Variants in ELAC2 observed in about 807,000 individuals in gnomAD.
The protein encoded by ELAC2 is elaC ribonuclease Z 2, also known as zinc phosphodiesterase ELAC protein 2.
ELAC2 carries 92 observed loss-of-function variants against 105.2 expected under a neutral mutation model. That is an observed-to-expected ratio of 0.87 (90% CI 0.74 to 1.04). The LOEUF is 1.04. ELAC2 is among the 50% of genes least tolerant of loss of function. The pLI is 0.00. For missense variants in ELAC2, 1,099 were observed against 1,071.7 expected (o/e 1.03, Z -0.36); for synonymous variants, 468 against 409.1 (o/e 1.14, Z -1.74).
chr17:13,004,659 GTTCAAAATAATCCAAATGATAA>G (rs1167072076), intron 11 of ELAC2, among the ~76,000 whole-genome samples: 6 of 152,298 alleles, frequency 3.9e-5, no homozygotes, highest in African/African-American at 1.4e-4. Flanking sequence ...AATTAATTCA[GTTCAAAATAATCCAAATGATAA>G]TCTGGGGCAT....
intron 14 of ELAC2, chr17:13,000,481 C>G (rs960150742): frequency 3.3e-6 from 2 of 613,032 alleles, no homozygotes; most frequent in Non-Finnish European, 5.9e-6. Flanking sequence ...GGCCAGTCAA[C>G]GGGGAACTAC....
At position 12,992,973 on chromosome 17, in the gene ELAC2, C is replaced by T. The variant is rs759606875; in HGVS notation, c.2326G>A (p.Glu776Lys). 14 of 1,603,890 alleles carry T rather than the reference C, an allele frequency of 8.7e-6. No homozygotes were observed. The highest frequency in any genetic ancestry group is 2.2e-5 in the South Asian group (2 of 91,080). The change falls in exon 24 of 24, where the codon GAG becomes AAG. Residue 776 changes from glutamate to lysine, a missense_variant. Glu to Lys is a moderately conservative substitution (Grantham distance 56). Coordinates refer to ENST00000338034, the MANE Select transcript of ELAC2 (RefSeq NM_018127.7). Reference sequence around the variant, plus strand: ...TTCTCCCTGCGCTCCTCCATCTCCTCGATGTCGCCAGCAAACAGGGCTTTC... The same window carrying T: ...TTCTCCCTGCGCTCCTCCATCTCCTTGATGTCGCCAGCAAACAGGGCTTTC... Reference protein sequence around the residue: ...PLKALFAGDIEEMEERREKRE... With the variant: ...PLKALFAGDIKEMEERREKRE...
In ELAC2 at chr17:13,016,893, T is replaced by C. The variant is rs755455350; in HGVS notation, c.336A>G (p.Arg112=). 4 of 1,614,100 alleles carry C rather than the reference T, an allele frequency of 2.5e-6. No homozygotes were observed. Among genetic ancestry groups the C allele is most frequent in the Non-Finnish European group, 3.4e-6 (4 of 1,180,030 alleles). Reference sequence around the variant, plus strand: ...AGCCCCCAACATTAGACCAGTGCATTCGTGTCAGGAATATGTTGTCCAGGC... The same window carrying C: ...AGCCCCCAACATTAGACCAGTGCATCCGTGTCAGGAATATGTTGTCCAGGC... ...VARLDNIFLT[R]MHWSNVGGLS... Residue 112 remains arginine, a synonymous_variant, in exon 3 of 24, where the codon CGA becomes CGG. Coordinates refer to ENST00000338034, the MANE Select transcript of ELAC2 (RefSeq NM_018127.7).
At position 13,000,143 on chromosome 17, in the gene ELAC2, G is replaced by A. The variant is rs552514338; in HGVS notation, c.1423+13C>T. On this transcript the variant is annotated intron_variant, in intron 15 of 23. Transcript: ENST00000338034. ...CCCAGGAAAGAAAGGCTGCTCTGTGGGCTCCCACTCACCTGCTGGGGCTGG... is the reference window on the plus strand; with the variant it reads ...CCCAGGAAAGAAAGGCTGCTCTGTGAGCTCCCACTCACCTGCTGGGGCTGG... 23 of 1,610,346 alleles carry A rather than the reference G, an allele frequency of 1.4e-5. No individual in the cohort carries two copies. In the African/African-American group the frequency reaches 2.8e-4, roughly 20 times the overall value.
In ELAC2 at chr17:12,993,124, T is replaced by G. The variant is rs1055673968; in HGVS notation, c.2254-79A>C. The G allele has an allele frequency of 9.1e-6, 13 of 1,429,700 alleles. No individual in the cohort carries two copies. The African/African-American group carries it at 1.8e-4, about 20-fold the overall frequency. The allele number at this position is 1,429,700 out of a possible 1,614,324, so 88.6% of individuals were successfully genotyped here. A position where few individuals can be genotyped will look rare whatever the true frequency, so the allele number is the denominator to read the frequency against. The stretch of plus-strand genomic sequence containing the variant: ...ACAGGAGCTGGAAGGGATGCAGTCA[T>G]GTGCTCACACAGCAGCGCCAACGCC... On this transcript the variant is annotated intron_variant, in intron 23 of 23. Coordinates refer to ENST00000338034, the MANE Select transcript of ELAC2 (RefSeq NM_018127.7).
At chr17:13,010,745 C>A in intron 7 of ELAC2, 74 bp from the exon 8 acceptor site, 2 of 1,335,950 alleles carry the variant, frequency 1.5e-6, no homozygotes, top group Non-Finnish European at 2.2e-6. Flanking sequence ...GATTATGACC[C>A]GATACCTAAT....
chr17:13,015,981 G>C (rs993189420), intron 3 of ELAC2, 149 bp from the exon 4 acceptor site: 37 of 702,810 alleles, frequency 5.3e-5, no homozygotes, highest in South Asian at 3.9e-4. Flanking sequence ...GAGCAGAAGT[G>C]ATGCCAGCTA....
chr17:13,016,795 A>G, intron 3 of ELAC2, 67 bp downstream of exon 3: 1 of 1,540,528 alleles, frequency 6.5e-7, no homozygotes, highest in Non-Finnish European at 9.0e-7. Flanking sequence ...ACTTGGAAAA[A>G]TGGTAAAGCC....
intron 3 of ELAC2, 98 bp from the exon 4 acceptor site, chr17:13,015,930 C>T: frequency 4.3e-6 from 4 of 932,728 alleles, no homozygotes; most frequent in Non-Finnish European, 7.1e-6. Flanking sequence ...ATCTACATCT[C>T]CACCTTCCAG....
intron 8 of ELAC2, among the ~76,000 whole-genome samples, chr17:13,007,986 A>T (rs1006139472): frequency 8.5e-5 from 13 of 152,086 alleles, no homozygotes; most frequent in Admixed American, 7.2e-4. Context: ...AGATCACTTG[A>T]GGTCAGGAGT....
At chr17:13,002,405 G>A in intron 13 of ELAC2, 36 bp downstream of exon 13, 1 of 1,614,084 alleles carries the variant, frequency 6.2e-7, no homozygotes, top group Non-Finnish European at 8.5e-7. Flanking sequence ...GAGGGGACGA[G>A]AGCTGGGCCG....
At chr17:12,999,478 G>C (rs78898076) in intron 15 of ELAC2, among the ~76,000 whole-genome samples, 15,672 of 152,266 alleles carry the variant, frequency 0.1, 1,052 homozygotes, top group Non-Finnish European at 0.14. Flanking sequence ...GTTGAGTGAC[G>C]TGGCCAAGAT....
At chr17:12,997,496 C>A (rs1392656220) in intron 16 of ELAC2, among the ~76,000 whole-genome samples, 1 of 152,158 alleles carries the variant, frequency 6.6e-6, no homozygotes, top group African/African-American at 2.4e-5. Context: ...TTCCCATTAG[C>A]TTCAGCTGGT....
intron 11 of ELAC2, 27 bp downstream of exon 11, chr17:13,004,962 T>C (rs2041022970): frequency 6.4e-7 from 1 of 1,562,350 alleles, no homozygotes; most frequent in African/African-American, 1.4e-5. Flanking sequence ...AGCTCTCACT[T>C]CTCCCACCCT....
intron 23 of ELAC2, 94 bp from the exon 24 acceptor site, chr17:12,993,139 G>A (rs142986208): frequency 1.5e-6 from 2 of 1,291,456 alleles, no homozygotes; most frequent in Non-Finnish European, 2.2e-6. Context: ...TCACACAGCA[G>A]CGCCAACGCC....
At position 12,992,148 on chromosome 17, in the gene ELAC2, TTGATAGAG is replaced by T. The variant is rs1429394245; in HGVS notation, c.*662_*669del. On this transcript the variant is annotated 3_prime_UTR_variant, in exon 24 of 24. Coordinates refer to ENST00000338034, the MANE Select transcript of ELAC2 (RefSeq NM_018127.7). ...TTGATTTGATTGATTGATTGATTGA[TTGATAGAG>T]AAAGCACGCCCTGCTGTGAGCTGGC... is the stretch of plus-strand genomic sequence containing the variant. Among the ~76,000 whole-genome samples, 7 of 133,296 alleles carry T rather than the reference TTGATAGAG, an allele frequency of 5.3e-5. No individual in the cohort carries two copies. Among genetic ancestry groups the T allele is most frequent in the African/African-American group, 1.8e-4 (6 of 33,272 alleles). 87.4% of individuals were successfully genotyped at this position (133,296 alleles called of 152,430 possible).
Position 12,994,975 on chromosome 17 carries a change from A to C in ELAC2, c.1896T>G (p.Cys632Trp). The C allele has an allele frequency of 6.2e-7, 1 of 1,614,092 alleles. No homozygotes were observed. The highest frequency in any genetic ancestry group is 8.5e-7 in the Non-Finnish European group (1 of 1,180,020). ...ERLISSLLRTCDLEEFQTCLV... is the reference protein window; with the variant it reads ...ERLISSLLRTWDLEEFQTCLV... ...CTGTGCCCCTTACCTCTTCCAAATCACATGTTCGCAACAGCGAACTGATCA... is the reference window on the plus strand; with the variant it reads ...CTGTGCCCCTTACCTCTTCCAAATCCCATGTTCGCAACAGCGAACTGATCA... The change falls in exon 20 of 24, where the codon TGT (cysteine) becomes TGG (tryptophan). Residue 632 changes from cysteine (C) to tryptophan (W), a missense_variant. Coordinates refer to ENST00000338034, the MANE Select transcript of ELAC2 (RefSeq NM_018127.7).
At chr17:13,012,660 A>T (rs999309929) in intron 6 of ELAC2, among the ~76,000 whole-genome samples, 3 of 151,934 alleles carry the variant, frequency 2.0e-5, no homozygotes, top group Non-Finnish European at 2.9e-5. Flanking sequence ...ACAAGGAAAT[A>T]CCCCTACTGC....
chr17:13,006,901 C>T (rs575042995), intron 8 of ELAC2, among the ~76,000 whole-genome samples: 6 of 152,104 alleles, frequency 3.9e-5, no homozygotes, highest in Non-Finnish European at 7.3e-5. Context: ...GCGGGTAGAT[C>T]ATGAGGTCAG....
Sources: allele counts gnomAD v4.1 joint callset (sites outside exome capture counted in the v4.1 genomes callset), GRCh38; gene constraint gnomAD v4.1.1; transcripts MANE v1.5; gene names NCBI Gene and HGNC (gene_info 2026-07-23, HGNC 2026-07-21).